CDKN2B-AS1: variants seen among roughly 807,000 people sequenced by gnomAD.
The protein encoded by CDKN2B-AS1 is CDKN2B and CDKN2A antisense cis and trans regulatory RNA 1.
chr9:22,090,593 T>G (rs1306899628), intron 4 of CDKN2B-AS1, among the ~76,000 whole-genome samples: 1 of 152,216 alleles, frequency 6.6e-6, no homozygotes, highest in Non-Finnish European at 1.5e-5. Flanking sequence ...GATGAGCAAT[T>G]TTTCATGTGT....
chr9:22,061,547 T>C (rs2131299117), intron 4 of CDKN2B-AS1, among the ~76,000 whole-genome samples: 1 of 152,228 alleles, frequency 6.6e-6, no homozygotes, highest in South Asian at 2.1e-4. Flanking sequence ...ATAATCAAAA[T>C]CAAGCCTGTT....
chr9:22,120,714 T>C (rs1826076873), intron 4 of CDKN2B-AS1: 1 of 152,176 alleles, frequency 6.6e-6, no homozygotes, highest in Non-Finnish European at 1.5e-5. Flanking sequence ...TAATAACATA[T>C]TGGCATATGT....
chr9:22,008,680 G>A (rs1221374430), intron 1 of CDKN2B-AS1: 2 of 1,608,940 alleles, frequency 1.2e-6, no homozygotes, highest in Non-Finnish European at 8.5e-7. Context: ...CACACCTCCG[G>A]CCAACGGAGA....
At chr9:22,011,123 C>G (rs370161316) in intron 1 of CDKN2B-AS1, among the ~76,000 whole-genome samples, 1 of 152,136 alleles carries the variant, frequency 6.6e-6, no homozygotes, top group African/African-American at 2.4e-5. Flanking sequence ...CAGCGCTTTG[C>G]TTATACTCAG....
chr9:22,006,081 A>G lies in CDKN2B-AS1; in HGVS notation n.29+10920A>G. 8 of 1,607,384 alleles carry G rather than the reference A, an allele frequency of 5.0e-6. No homozygotes were observed. The highest frequency in any genetic ancestry group is 6.8e-6 in the Non-Finnish European group (8 of 1,179,672). On this transcript the variant is annotated intron_variant and non_coding_transcript_variant, in intron 1 of 4. Coordinates refer to ENST00000650946, the Ensembl canonical transcript of CDKN2B-AS1. This position sits in a 1 kb window ranked among gnomAD's most constrained non-coding sequence, Gnocchi z 6.4. ...GGGCAGACGACCCCAGGCATCGCGC[A>G]CGTCCAGCCGCGCCCCGGCCCGGTG...
intron 4 of CDKN2B-AS1, among the ~76,000 whole-genome samples, chr9:22,067,779 G>C (rs1041677610): frequency 7.2e-5 from 11 of 152,264 alleles, no homozygotes; most frequent in African/African-American, 2.6e-4. Flanking sequence ...AATCTTAAGT[G>C]GTAGCTTTAT....
intron 4 of CDKN2B-AS1, among the ~76,000 whole-genome samples, chr9:22,126,332 G>C (rs1168135142): frequency 3.3e-5 from 5 of 151,978 alleles, no homozygotes; most frequent in Admixed American, 1.3e-4. Context: ...TAAAATGAGA[G>C]GTCTATCATA....
chr9:22,024,684 C>A (rs1051406093), intron 1 of CDKN2B-AS1, among the ~76,000 whole-genome samples: 2 of 152,196 alleles, frequency 1.3e-5, no homozygotes, highest in Non-Finnish European at 2.9e-5. Context: ...GGCATACTTC[C>A]CTCCTGTATG....
At chr9:22,034,618 G>C (rs1445023084) in intron 1 of CDKN2B-AS1, among the ~76,000 whole-genome samples, 1 of 152,112 alleles carries the variant, frequency 6.6e-6, no homozygotes, top group African/African-American at 2.4e-5. Flanking sequence ...ATCATTCTTT[G>C]AAAGTGTTTA....
rs73652840 is a variant in CDKN2B-AS1, at chr9:22,031,508, A to T, written n.30-15243A>T. 7.1e-3 allele frequency among the ~76,000 whole-genome samples: 1,084 copies of T among 152,332 alleles called. 15 individuals are homozygous for T. The highest frequency in any genetic ancestry group is 0.024 in the African/African-American group (1,016 of 41,568). ...GTCCTGATACTCATGCTTTCTTTAG[A>T]TCAACCCAGTGCTCTTACTGTAATT... On this transcript the variant is annotated intron_variant and non_coding_transcript_variant, in intron 1 of 4. Transcript: ENST00000650946.
chr9:22,015,286 T>C (rs1178058443), intron 1 of CDKN2B-AS1, among the ~76,000 whole-genome samples: 1 of 152,178 alleles, frequency 6.6e-6, no homozygotes, highest in South Asian at 2.1e-4. Context: ...TTCCTGACTT[T>C]TTTTTTCTAT....
intron 1 of CDKN2B-AS1, among the ~76,000 whole-genome samples, chr9:22,028,496 C>G (rs1415594565): frequency 6.6e-6 from 1 of 152,028 alleles, no homozygotes; most frequent in Non-Finnish European, 1.5e-5. Flanking sequence ...AAAAAAGAAT[C>G]ATAAACTTCA....
intron 1 of CDKN2B-AS1, among the ~76,000 whole-genome samples, chr9:21,998,106 G>C (rs1468191652): frequency 2.0e-5 from 3 of 152,280 alleles, no homozygotes; most frequent in South Asian, 4.1e-4. Context: ...ATTCCATCTT[G>C]GTTTCCCCCA....
intron 1 of CDKN2B-AS1, among the ~76,000 whole-genome samples, chr9:22,037,986 G>T (rs926775090): frequency 6.6e-6 from 1 of 151,950 alleles, no homozygotes; most frequent in African/African-American, 2.4e-5. Flanking sequence ...AAATCTGAAG[G>T]TACTCAAAGC....
intron 4 of CDKN2B-AS1, among the ~76,000 whole-genome samples, chr9:22,064,174 G>C (rs768173075): frequency 9.9e-5 from 15 of 152,108 alleles, no homozygotes; most frequent in Admixed American, 5.9e-4. Flanking sequence ...TTGGAGTTTG[G>C]GGGGAGAAGA....
At chr9:22,045,390 G>A (rs1286579533) in intron 1 of CDKN2B-AS1, among the ~76,000 whole-genome samples, 1 of 151,966 alleles carries the variant, frequency 6.6e-6, no homozygotes, top group East Asian at 1.9e-4. Flanking sequence ...CTAATTACTG[G>A]TGAAAGTAGA....
intron 1 of CDKN2B-AS1, among the ~76,000 whole-genome samples, chr9:22,044,331 T>A (rs1251167356): frequency 6.6e-6 from 1 of 151,888 alleles, no homozygotes; most frequent in East Asian, 1.9e-4. Context: ...TAGTAGGATA[T>A]CCTAGAATAT....
intron 4 of CDKN2B-AS1, among the ~76,000 whole-genome samples, chr9:22,103,959 C>T (rs1226684603): frequency 7.2e-5 from 11 of 152,118 alleles, no homozygotes; most frequent in Non-Finnish European, 1.2e-4. Flanking sequence ...AGAATTTTAT[C>T]TATAAATATA....
chr9:22,026,778 C>G (rs1822258440), intron 1 of CDKN2B-AS1, among the ~76,000 whole-genome samples: 1 of 152,154 alleles, frequency 6.6e-6, no homozygotes, highest in Admixed American at 6.5e-5. Flanking sequence ...GCTCTTGGGT[C>G]TCCATGCATG....
Sources: gnomAD v4.1 joint callset for allele counts (sites outside exome capture counted in the v4.1 genomes callset) on GRCh38, gnomAD v4.1.1 for gene constraint, Gnocchi (gnomAD v3.1) non-coding constraint, MANE v1.5 for transcripts, NCBI Gene and HGNC (gene_info 2026-07-23, HGNC 2026-07-21) for gene names.